Variants in PRKG1 observed in about 807,000 individuals in gnomAD.
PRKG1 encodes the protein protein kinase cGMP-dependent 1, also known as cGMP-dependent protein kinase 1.
In PRKG1, 35 loss-of-function variants were observed where a neutral mutation model predicts 88.1. The observed-to-expected ratio is 0.40, with a 90% CI of 0.30 to 0.53. The LOEUF (loss-of-function observed/expected upper bound fraction) is 0.53, where lower values mean the gene tolerates loss of function less well. PRKG1 is among the 20% of genes least tolerant of loss of function. The probability of loss-of-function intolerance (pLI) is 0.59; values close to 1 mark genes in which losing one functional copy is unlikely to be tolerated. For missense variants in PRKG1, 540 were observed against 839.8 expected (o/e 0.64, Z 4.41); for synonymous variants, 303 against 292.5 (o/e 1.04, Z -0.37).
At chr10:51,284,284 A>G (rs1049267719) in intron 2 of PRKG1, among the ~76,000 whole-genome samples, 4 of 152,222 alleles carry the variant, frequency 2.6e-5, no homozygotes, top group Admixed American at 2.0e-4. Context: ...TATTTATTGC[A>G]TATCTACAGG....
intron 5 of PRKG1, among the ~76,000 whole-genome samples, chr10:51,961,532 A>G (rs894323846): frequency 1.3e-5 from 2 of 152,234 alleles, no homozygotes; most frequent in African/African-American, 4.8e-5. Context: ...TCAAGTGCAC[A>G]TGCAATAACA....
At chr10:51,809,586 G>A (rs951294619) in intron 4 of PRKG1, among the ~76,000 whole-genome samples, 2 of 152,140 alleles carry the variant, frequency 1.3e-5, no homozygotes, top group African/African-American at 4.8e-5. Context: ...GTTTTCTTTT[G>A]TTCCCAAATT....
rs550936740 is a variant in PRKG1, at chr10:51,684,506, A to G, written c.593-120079A>G. 4.1e-4 allele frequency among the ~76,000 whole-genome samples: 63 copies of G among 152,318 alleles called. No individual in the cohort carries two copies. The South Asian group carries it at 0.013, about 31-fold the overall frequency. Reference sequence around the variant, plus strand: ...TATATGTTGATAAAAATGTTAAAAAAAGACACCATGGGAAAAATAGGTCAC... The same window carrying G: ...TATATGTTGATAAAAATGTTAAAAAGAGACACCATGGGAAAAATAGGTCAC... On this transcript the variant is annotated intron_variant, in intron 3 of 17. Transcript: ENST00000373980.
At chr10:52,216,150 G>C (rs1048133385) in intron 9 of PRKG1, among the ~76,000 whole-genome samples, 1 of 152,182 alleles carries the variant, frequency 6.6e-6, no homozygotes, top group Non-Finnish European at 1.5e-5. Flanking sequence ...GGAGCTATTG[G>C]TTTGGACTAC....
chr10:51,118,718 T>A (rs571265242), intron 1 of PRKG1, among the ~76,000 whole-genome samples: 13 of 152,232 alleles, frequency 8.5e-5, no homozygotes, highest in Admixed American at 3.3e-4. Context: ...GATTCCTACG[T>A]CTTCCCTCTG....
intron 3 of PRKG1, among the ~76,000 whole-genome samples, chr10:51,663,720 A>C (rs1015424694): frequency 2.6e-5 from 4 of 151,320 alleles, no homozygotes; most frequent in Admixed American, 1.3e-4. Context: ...AAAAAAAAAA[A>C]AAAACACACC....
At position 52,054,546 on chromosome 10, in the gene PRKG1, C is replaced by G; in HGVS notation, c.825C>G (p.Ile275Met). Residue 275 changes from isoleucine to methionine, a missense_variant, in exon 6 of 18, where the codon ATC (isoleucine) becomes ATG (methionine). Transcript: ENST00000373980. ...GTGCAAGAGGGGACACCTTCTTTAT[C>G]ATCAGCAAAGGAACGGTAAGCTTTG... ...RQGARGDTFF[I>M]ISKGTVNVTR... 1.2e-6 allele frequency: 2 copies of G among 1,613,826 alleles called. No homozygotes were observed.
At chr10:51,692,319 T>C (rs1177214962) in intron 3 of PRKG1, among the ~76,000 whole-genome samples, 1 of 152,052 alleles carries the variant, frequency 6.6e-6, no homozygotes, top group East Asian at 1.9e-4. Context: ...CTCGGCTCAC[T>C]GCAAGTTCCG....
intron 2 of PRKG1, among the ~76,000 whole-genome samples, chr10:51,303,436 C>T (rs1244904720): frequency 6.6e-6 from 1 of 151,836 alleles, no homozygotes; most frequent in Admixed American, 6.6e-5. Context: ...TCAGTGACAT[C>T]TGCCAAAACC....
intron 3 of PRKG1, among the ~76,000 whole-genome samples, chr10:51,491,551 T>G (rs1840708460): frequency 6.6e-6 from 1 of 152,084 alleles, no homozygotes; most frequent in Non-Finnish European, 1.5e-5. Flanking sequence ...ATTCAAGGCG[T>G]TAAAAATGGT....
At chr10:51,974,328 T>A (rs1238105316) in intron 5 of PRKG1, among the ~76,000 whole-genome samples, 1 of 152,094 alleles carries the variant, frequency 6.6e-6, no homozygotes, top group Non-Finnish European at 1.5e-5. Context: ...GTAACTGACT[T>A]GTTTCTCTAC....
chr10:51,174,849 C>A (rs1487199968), intron 2 of PRKG1, among the ~76,000 whole-genome samples: 3 of 151,908 alleles, frequency 2.0e-5, no homozygotes, highest in African/African-American at 2.4e-5. Flanking sequence ...CAAGTCTCAC[C>A]TTTGAAGTTG....
rs766053061 is a variant in PRKG1, at chr10:52,089,505, C to T, written c.935+26874C>T. 2.0e-4 allele frequency among the ~76,000 whole-genome samples: 30 copies of T among 152,168 alleles called. No homozygotes were observed. In the East Asian group the frequency reaches 2.3e-3, roughly 12 times the overall value. ...CCAGATGTTTATTTTATCTTATATA[C>T]ATGTGCTAATAGATGAGATGATAAT... On this transcript the variant is annotated intron_variant, in intron 7 of 17. Coordinates refer to ENST00000373980, the MANE Select transcript of PRKG1 (RefSeq NM_006258.4).
intron 3 of PRKG1, among the ~76,000 whole-genome samples, chr10:51,663,300 TA>T (rs1055439491): frequency 6.6e-6 from 1 of 152,132 alleles, no homozygotes; most frequent in Admixed American, 6.6e-5. Context: ...TGAGAAACTC[TA>T]AAAGAACTCA....
chr10:52,201,479 G>A (rs962578606), intron 9 of PRKG1, among the ~76,000 whole-genome samples: 1 of 152,078 alleles, frequency 6.6e-6, no homozygotes, highest in African/African-American at 2.4e-5. Flanking sequence ...TTGAAGTCAA[G>A]TACTGTAATG....
chr10:50,998,505 T>C (rs928738591), intron 1 of PRKG1, among the ~76,000 whole-genome samples: 2 of 152,238 alleles, frequency 1.3e-5, no homozygotes. Flanking sequence ...CCCAGCACTT[T>C]GGGAGGCCAA....
chr10:51,500,526 T>C (rs1346785731), intron 3 of PRKG1, among the ~76,000 whole-genome samples: 1 of 152,180 alleles, frequency 6.6e-6, no homozygotes, highest in Non-Finnish European at 1.5e-5. Flanking sequence ...GTAGTCCCAG[T>C]TTCTACCAAT....
At chr10:52,288,429 G>A (rs1181804738) in intron 14 of PRKG1, among the ~76,000 whole-genome samples, 1 of 152,070 alleles carries the variant, frequency 6.6e-6, no homozygotes, top group East Asian at 1.9e-4. Context: ...TGTGGAAAAG[G>A]TCAGAGAGTA....
intron 2 of PRKG1, among the ~76,000 whole-genome samples, chr10:51,216,275 T>C (rs141305370): frequency 6.8e-4 from 103 of 152,340 alleles, no homozygotes; most frequent in East Asian, 6.7e-3. Flanking sequence ...CTTCATTGGG[T>C]AGGGCACTAA....
Sources: gnomAD v4.1 joint callset for allele counts (sites outside exome capture counted in the v4.1 genomes callset) on GRCh38, gnomAD v4.1.1 for gene constraint, MANE v1.5 for transcripts, NCBI Gene and HGNC (gene_info 2026-07-23, HGNC 2026-07-21) for gene names.